The following SLC35F3 variants were observed in gnomAD, a reference collection of about 807,000 sequenced individuals.
SLC35F3 encodes the protein solute carrier family 35 member F3.
A neutral mutation model predicts 49.9 loss-of-function variants in SLC35F3; 25 were observed. The ratio of observed to expected loss-of-function variants is 0.50; its 90% CI spans 0.37 to 0.70. SLC35F3 has a LOEUF of 0.70. Ranked by LOEUF, SLC35F3 falls within the 30% of genes least tolerant of loss-of-function variation. The probability of loss-of-function intolerance (pLI) is 0.00; values close to 1 mark genes in which losing one functional copy is unlikely to be tolerated. For synonymous variants in SLC35F3, 275 were observed against 265.4 expected (o/e 1.04, Z -0.35); for missense variants, 525 against 639.8 (o/e 0.82, Z 1.94).
chr1:234,298,494 C>T (rs544312326), intron 3 of SLC35F3, among the ~76,000 whole-genome samples: 13 of 152,300 alleles, frequency 8.5e-5, no homozygotes, highest in South Asian at 6.2e-4. Flanking sequence ...GTGGCTTAGA[C>T]GAAGTGTTAG....
intron 2 of SLC35F3, among the ~76,000 whole-genome samples, chr1:234,072,334 G>A (rs983998292): frequency 2.0e-5 from 3 of 152,140 alleles, no homozygotes; most frequent in Non-Finnish European, 4.4e-5. Context: ...TTCTGTTAGT[G>A]ACAATTGCCT....
chr1:234,316,822 CT>C, intron 5 of SLC35F3, 95 bp downstream of exon 5: 1 of 1,435,146 alleles, frequency 7.0e-7, no homozygotes, highest in Non-Finnish European at 9.5e-7. Flanking sequence ...TCAACAGCTT[CT>C]GATGATACCT....
chr1:234,300,625 C>T (rs1258587773), intron 3 of SLC35F3, among the ~76,000 whole-genome samples: 1 of 152,174 alleles, frequency 6.6e-6, no homozygotes, highest in Admixed American at 6.5e-5. Context: ...GGGTCCTGTA[C>T]ACTATGATGA....
chr1:234,059,552 C>G (rs1664507028), intron 2 of SLC35F3, among the ~76,000 whole-genome samples: 1 of 151,934 alleles, frequency 6.6e-6, no homozygotes. Context: ...CTTAGAGGGA[C>G]AGAACTAACA....
intron 2 of SLC35F3, among the ~76,000 whole-genome samples, chr1:234,110,434 G>A (rs958389937): frequency 2.6e-5 from 4 of 152,352 alleles, no homozygotes; most frequent in Middle Eastern, 6.8e-3. Context: ...TGCGGCAGAG[G>A]CCATTAAGAT....
In SLC35F3 at chr1:234,183,250, T is replaced by G. The variant is rs574140255; in HGVS notation, c.284-48167T>G. On this transcript the variant is annotated intron_variant, in intron 2 of 7. Coordinates refer to ENST00000366618, the MANE Select transcript of SLC35F3 (RefSeq NM_173508.4). Reference sequence around the variant, plus strand: ...CCAGGCTGGTCTCGAACTCTTGACCTTAAGTGATCTGCCCACCTCAGCCTT... The same window carrying G: ...CCAGGCTGGTCTCGAACTCTTGACCGTAAGTGATCTGCCCACCTCAGCCTT... 1.5e-3 allele frequency among the ~76,000 whole-genome samples: 208 copies of G among 143,112 alleles called. 7 individuals carry two copies. Among genetic ancestry groups the G allele is most frequent in the African/African-American group, 4.7e-3 (195 of 41,294 alleles). 93.9% of individuals were successfully genotyped at this position (143,112 alleles called of 152,430 possible).
At chr1:234,084,252 A>G (rs200567554) in intron 2 of SLC35F3, among the ~76,000 whole-genome samples, 1 of 133,516 alleles carries the variant, frequency 7.5e-6, no homozygotes, top group Non-Finnish European at 1.6e-5. Flanking sequence ...CACACACACA[A>G]TTTTGTGTGT....
chr1:234,214,260 G>A lies in SLC35F3; in HGVS notation c.284-17157G>A, dbSNP rs1667080772. 9.5e-6 allele frequency: 12 copies of A among 1,258,216 alleles called. No homozygotes were observed. Among genetic ancestry groups the A allele is most frequent in the Non-Finnish European group, 1.1e-5 (11 of 1,004,308 alleles). 77.9% of individuals were successfully genotyped at this position (1,258,216 alleles called of 1,614,324 possible). On this transcript the variant is annotated intron_variant, in intron 2 of 7. Transcript: ENST00000366618. The surrounding 1 kb of genome is among the most constrained non-coding windows in gnomAD (Gnocchi z 8.0). ...TCCAAGTAGGAGGCTGTGCGCGCGT[G>A]TGTGTGGAGTGGCTGCGCGGCCGGG...
At chr1:233,944,105 A>C (rs1487366668) in intron 2 of SLC35F3, among the ~76,000 whole-genome samples, 1 of 152,210 alleles carries the variant, frequency 6.6e-6, no homozygotes, top group African/African-American at 2.4e-5. Context: ...TCAATTTAAC[A>C]ACCTAACCTC....
At chr1:233,988,594 C>T (rs1378506005) in intron 2 of SLC35F3, among the ~76,000 whole-genome samples, 1 of 152,214 alleles carries the variant, frequency 6.6e-6, no homozygotes, top group East Asian at 1.9e-4. Context: ...CCTCCACATG[C>T]TCTTTCCATC....
intron 2 of SLC35F3, among the ~76,000 whole-genome samples, chr1:234,018,061 G>A (rs948672979): frequency 6.6e-5 from 10 of 152,064 alleles, no homozygotes; most frequent in Non-Finnish European, 1.5e-4. Context: ...TACAATATGG[G>A]AGATGAAACA....
chr1:234,284,617 C>T (rs116406077), intron 3 of SLC35F3, among the ~76,000 whole-genome samples: 205 of 152,322 alleles, frequency 1.3e-3, no homozygotes, highest in African/African-American at 4.8e-3. Flanking sequence ...GTGATCGTGC[C>T]TCTTGTGTCA....
chr1:234,091,039 C>T (rs987925978), intron 2 of SLC35F3, among the ~76,000 whole-genome samples: 2 of 152,160 alleles, frequency 1.3e-5, no homozygotes, highest in Non-Finnish European at 1.5e-5. Context: ...TTCACTTTAG[C>T]TTTGTTTGTT....
chr1:234,279,429 G>C (rs923292450), intron 3 of SLC35F3, among the ~76,000 whole-genome samples: 1 of 152,140 alleles, frequency 6.6e-6, no homozygotes, highest in African/African-American at 2.4e-5. Context: ...TTTTAGGTGG[G>C]TTTTAAAACA....
chr1:234,233,327 C>G (rs562087859), intron 3 of SLC35F3, among the ~76,000 whole-genome samples: 1 of 152,246 alleles, frequency 6.6e-6, no homozygotes, highest in South Asian at 2.1e-4. Flanking sequence ...CTGCCTCTAA[C>G]GAAATGCTCA....
At chr1:234,190,434 A>C (rs530296115) in intron 2 of SLC35F3, among the ~76,000 whole-genome samples, 1 of 152,362 alleles carries the variant, frequency 6.6e-6, no homozygotes, top group South Asian at 2.1e-4. Context: ...TATATCAGAC[A>C]AAACAAACTT....
At chr1:234,246,410 A>G (rs1667631313) in intron 3 of SLC35F3, among the ~76,000 whole-genome samples, 1 of 152,210 alleles carries the variant, frequency 6.6e-6, no homozygotes, top group Non-Finnish European at 1.5e-5. Flanking sequence ...TTCTCTGAGA[A>G]GCAGGGCCTG....
chr1:233,942,897 T>C (rs1662451338), intron 2 of SLC35F3, among the ~76,000 whole-genome samples: 1 of 152,220 alleles, frequency 6.6e-6, no homozygotes, highest in South Asian at 2.1e-4. Context: ...CATTCTACTC[T>C]CTGCTTCTGT....
rs1306073268 is a variant in SLC35F3 at position 234,231,966 on chromosome 1, G to A, written c.608+225G>A. Among the ~76,000 whole-genome samples the A allele has an allele frequency of 6.6e-6, 1 of 152,150 alleles. No homozygotes were observed. The highest frequency in any genetic ancestry group is 1.5e-5 in the Non-Finnish European group (1 of 68,026). ...TACCTCCTGCCCCTCAGCCCTGGGA[G>A]CCCCTTTATATAAAAGCAGGCAGCA... On this transcript the variant is annotated intron_variant, in intron 3 of 7. Coordinates refer to ENST00000366618, the MANE Select transcript of SLC35F3 (RefSeq NM_173508.4). The surrounding 1 kb of genome is among the most constrained non-coding windows in gnomAD (Gnocchi z 5.4).
Sources: allele counts gnomAD v4.1 joint callset (sites outside exome capture counted in the v4.1 genomes callset), GRCh38; gene constraint gnomAD v4.1.1; non-coding constraint Gnocchi (gnomAD v3.1); transcripts MANE v1.5; gene names NCBI Gene and HGNC (gene_info 2026-07-23, HGNC 2026-07-21).